The following CSMD1 variants were observed in gnomAD, a reference collection of about 807,000 sequenced individuals.
The protein encoded by CSMD1 is CUB and sushi domain-containing protein 1.
CSMD1 carries 213 observed loss-of-function variants against 417.5 expected under a neutral mutation model. The observed-to-expected ratio is 0.51, with a 90% CI of 0.46 to 0.57. CSMD1 has a LOEUF of 0.57. Among genes scored for constraint, CSMD1 ranks in the 20% least tolerant of loss-of-function variants. CSMD1 has a pLI of 0.00. For synonymous variants in CSMD1, 2,862 were observed against 1,736.8 expected (o/e 1.65, Z -16.11); for missense variants, 6,923 against 4,529.7 (o/e 1.53, Z -15.17).
chr8:3,333,112 A>G (rs754587937), intron 23 of CSMD1, among the ~76,000 whole-genome samples: 1 of 152,148 alleles, frequency 6.6e-6, no homozygotes, highest in Non-Finnish European at 1.5e-5. Context: ...AGGAGCTGGG[A>G]GTCTCAGTCT....
At chr8:4,332,828 A>G (rs562571533) in intron 3 of CSMD1, among the ~76,000 whole-genome samples, 2 of 152,122 alleles carry the variant, frequency 1.3e-5, no homozygotes, top group African/African-American at 4.8e-5. Context: ...GGGAAACTTT[A>G]TTTAGCTGAT....
intron 1 of CSMD1, among the ~76,000 whole-genome samples, chr8:4,948,803 T>C (rs1347082538): frequency 6.6e-6 from 1 of 152,124 alleles, no homozygotes; most frequent in Admixed American, 6.5e-5. Flanking sequence ...TATATTCCCT[T>C]ATTCCCCTAG....
At chr8:4,384,736 T>C (rs1267284723) in intron 3 of CSMD1, among the ~76,000 whole-genome samples, 3 of 152,154 alleles carry the variant, frequency 2.0e-5, no homozygotes, top group East Asian at 3.9e-4. Flanking sequence ...TATGGAGCAA[T>C]GTTGTGCCAC....
chr8:4,682,610 A>C (rs1446897011), intron 1 of CSMD1, among the ~76,000 whole-genome samples: 1 of 152,122 alleles, frequency 6.6e-6, no homozygotes, highest in Non-Finnish European at 1.5e-5. Flanking sequence ...CACTCTAAGG[A>C]CATAGGCTTC....
chr8:3,245,334 A>G (rs1351351804), intron 26 of CSMD1, among the ~76,000 whole-genome samples: 1 of 152,140 alleles, frequency 6.6e-6, no homozygotes, highest in Non-Finnish European at 1.5e-5. Context: ...AGCCTGTGTA[A>G]GGGCATTTGC....
At chr8:4,027,452 G>C (rs913552595) in intron 4 of CSMD1, among the ~76,000 whole-genome samples, 3 of 152,080 alleles carry the variant, frequency 2.0e-5, no homozygotes, top group South Asian at 4.1e-4. Flanking sequence ...CCTCCATGCT[G>C]TTCTTGTGAC....
At chr8:4,076,383 G>T (rs1487736721) in intron 3 of CSMD1, among the ~76,000 whole-genome samples, 1 of 152,192 alleles carries the variant, frequency 6.6e-6, no homozygotes, top group Non-Finnish European at 1.5e-5. Context: ...GTCTGAGGTA[G>T]TTCTTTATAG....
chr8:3,875,959 T>C (rs539902089), intron 5 of CSMD1, among the ~76,000 whole-genome samples: 7 of 151,750 alleles, frequency 4.6e-5, no homozygotes, highest in African/African-American at 1.7e-4. Context: ...ATTTATGGAG[T>C]AACTGTAAAA....
intron 6 of CSMD1, among the ~76,000 whole-genome samples, chr8:3,744,037 A>T (rs538319560): frequency 6.6e-6 from 1 of 152,172 alleles, no homozygotes; most frequent in South Asian, 2.1e-4. Flanking sequence ...TTCCCCTTCA[A>T]TGTGGAGCCC....
intron 5 of CSMD1, among the ~76,000 whole-genome samples, chr8:3,898,052 G>A (rs1332118732): frequency 6.6e-6 from 1 of 152,154 alleles, no homozygotes; most frequent in Non-Finnish European, 1.5e-5. Context: ...CCTAAATTAT[G>A]TACTTACAAA....
chr8:3,417,213 A>G (rs1267489269), intron 12 of CSMD1, among the ~76,000 whole-genome samples: 1 of 152,230 alleles, frequency 6.6e-6, no homozygotes, highest in Non-Finnish European at 1.5e-5. Flanking sequence ...ATGTACTATG[A>G]TGATGTTCCA....
At chr8:4,220,852 G>C (rs962281324) in intron 3 of CSMD1, among the ~76,000 whole-genome samples, 2 of 152,320 alleles carry the variant, frequency 1.3e-5, no homozygotes, top group Admixed American at 6.5e-5. Flanking sequence ...AAGAGGAAAA[G>C]TAGCTTGGGG....
intron 25 of CSMD1, among the ~76,000 whole-genome samples, chr8:3,301,908 A>C (rs1804438733): frequency 6.6e-6 from 1 of 152,152 alleles, no homozygotes; most frequent in Admixed American, 6.5e-5. Flanking sequence ...AGATGGAGAA[A>C]TGACAGGGCT....
chr8:3,030,650 A>C (rs776721797), intron 50 of CSMD1, among the ~76,000 whole-genome samples: 1 of 151,862 alleles, frequency 6.6e-6, no homozygotes, highest in Non-Finnish European at 1.5e-5. Flanking sequence ...ATGCCCAGCT[A>C]ATTTTTGTAT....
At chr8:4,254,478 T>C (rs917124521) in intron 3 of CSMD1, among the ~76,000 whole-genome samples, 6 of 152,160 alleles carry the variant, frequency 3.9e-5, no homozygotes, top group African/African-American at 7.2e-5. Flanking sequence ...TGTCATAATG[T>C]TGTAGTGCAA....
At chr8:4,780,133 G>C (rs955147011) in intron 1 of CSMD1, among the ~76,000 whole-genome samples, 2 of 152,186 alleles carry the variant, frequency 1.3e-5, no homozygotes, top group African/African-American at 4.8e-5. Context: ...TACAGTCACA[G>C]ACTTGTGCCA....
intron 1 of CSMD1, among the ~76,000 whole-genome samples, chr8:4,684,611 T>C (rs1055051599): frequency 6.6e-6 from 1 of 152,176 alleles, no homozygotes. Flanking sequence ...GAACCCTCTT[T>C]TGAAAATTAG....
At chr8:3,754,966 G>A (rs1024855835) in intron 5 of CSMD1, among the ~76,000 whole-genome samples, 2 of 3,856 alleles carry the variant, frequency 5.2e-4, no homozygotes, top group African/African-American at 8.0e-4. Flanking sequence ...AGAAAGCAGT[G>A]CATTCATTTT....
intron 3 of CSMD1, among the ~76,000 whole-genome samples, chr8:4,320,109 C>T (rs968218824): frequency 2.6e-5 from 4 of 152,142 alleles, no homozygotes; most frequent in African/African-American, 9.7e-5. Flanking sequence ...AAATCCAACC[C>T]TTTGCAAGTA....
Sources: gnomAD v4.1 joint callset for allele counts (sites outside exome capture counted in the v4.1 genomes callset) on GRCh38, gnomAD v4.1.1 for gene constraint, MANE v1.5 for transcripts, NCBI Gene and HGNC (gene_info 2026-07-23, HGNC 2026-07-21) for gene names.